The following RARB variants were observed in gnomAD, a reference collection of about 807,000 sequenced individuals.
RARB encodes the protein HBV-activated protein.
A neutral mutation model predicts 51.9 loss-of-function variants in RARB; 17 were observed. The ratio of observed to expected loss-of-function variants is 0.33; its 90% CI spans 0.22 to 0.49. The LOEUF is 0.49. RARB is among the 20% of genes least tolerant of loss of function. The pLI, the probability that RARB is intolerant of heterozygous loss-of-function variation, is 0.99. For synonymous variants in RARB, 215 were observed against 195.4 expected, an observed-to-expected ratio of 1.10 and a Z score of -0.84; for missense variants, 369 against 550.8, an observed-to-expected ratio of 0.67 and a Z score of 3.30.
At chr3:25,125,797 T>G (rs898914849) in intron 3 of RARB, among the ~76,000 whole-genome samples, 1 of 152,224 alleles carries the variant, frequency 6.6e-6, no homozygotes, top group Admixed American at 6.5e-5. Context: ...ACTTGTTGAT[T>G]TGAATTGAAC....
intron 5 of RARB, among the ~76,000 whole-genome samples, chr3:25,361,389 A>T (rs189668495): frequency 6.6e-6 from 1 of 152,274 alleles, no homozygotes; most frequent in African/African-American, 2.4e-5. Flanking sequence ...CTAACCTTTT[A>T]TCAAAGTTCT....
chr3:25,498,900 T>C (rs2056777), intron 2 of RARB, among the ~76,000 whole-genome samples: 36,134 of 152,060 alleles, frequency 0.24, 4,719 homozygotes, highest in East Asian at 0.35. Flanking sequence ...GATATGTTTT[T>C]AGATGACCAC....
intron 3 of RARB, among the ~76,000 whole-genome samples, chr3:25,537,420 T>G (rs1338328341): frequency 6.6e-6 from 1 of 152,068 alleles, no homozygotes; most frequent in African/African-American, 2.4e-5. Flanking sequence ...TGCACTCTGT[T>G]TGCGTGCACA....
chr3:25,368,373 C>T (rs1183037949), intron 5 of RARB, among the ~76,000 whole-genome samples: 1 of 152,084 alleles, frequency 6.6e-6, no homozygotes, highest in African/African-American at 2.4e-5. Flanking sequence ...TAATGAATAG[C>T]TGTATCACCT....
chr3:24,978,364 G>A (rs550270872), intron 2 of RARB, among the ~76,000 whole-genome samples: 1 of 152,256 alleles, frequency 6.6e-6, no homozygotes, highest in African/African-American at 2.4e-5. Context: ...GTAGAATTTG[G>A]CTGTGAATCT....
At chr3:25,453,523 A>G (rs1411728352) in intron 1 of RARB, among the ~76,000 whole-genome samples, 1 of 152,002 alleles carries the variant, frequency 6.6e-6, no homozygotes, top group African/African-American at 2.4e-5. Context: ...GATTACAGGC[A>G]TGAGCCACTG....
intron 2 of RARB, among the ~76,000 whole-genome samples, chr3:25,028,203 G>A (rs778504027): frequency 7.2e-5 from 11 of 152,188 alleles, no homozygotes; most frequent in Non-Finnish European, 1.6e-4. Context: ...GCAATTCTCA[G>A]GCCCTACCTC....
chr3:24,980,819 T>C (rs1696648038), intron 2 of RARB, among the ~76,000 whole-genome samples: 2 of 152,202 alleles, frequency 1.3e-5, no homozygotes, highest in South Asian at 4.1e-4. Context: ...GGAGAGGAGT[T>C]GTGTTCCTTT....
chr3:24,995,129 T>C (rs891777146), intron 2 of RARB, among the ~76,000 whole-genome samples: 3 of 152,106 alleles, frequency 2.0e-5, no homozygotes, highest in Non-Finnish European at 4.4e-5. Flanking sequence ...GAACGTGAGA[T>C]GTTTTTCCAT....
At chr3:25,370,421 A>G (rs941873810) in intron 5 of RARB, among the ~76,000 whole-genome samples, 1 of 152,212 alleles carries the variant, frequency 6.6e-6, no homozygotes, top group African/African-American at 2.4e-5. Context: ...CTTAAGGAAG[A>G]GTTGAGGAAC....
chr3:25,389,209 G>C (rs1706879105), intron 5 of RARB, among the ~76,000 whole-genome samples: 1 of 152,154 alleles, frequency 6.6e-6, no homozygotes, highest in Non-Finnish European at 1.5e-5. Context: ...AGTTGATTGG[G>C]TGACACATCA....
intron 5 of RARB, among the ~76,000 whole-genome samples, chr3:25,334,625 A>G (rs1303665509): frequency 6.6e-6 from 1 of 152,162 alleles, no homozygotes; most frequent in Non-Finnish European, 1.5e-5. Flanking sequence ...ACATGTATAC[A>G]TATGTAACAA....
chr3:25,079,703 T>C (rs1255958672), intron 3 of RARB, among the ~76,000 whole-genome samples: 1 of 152,210 alleles, frequency 6.6e-6, no homozygotes, highest in Non-Finnish European at 1.5e-5. Context: ...TTAAAAAATA[T>C]ATTACTTTTG....
At chr3:25,232,973 C>CTTTTTTTTTTTTTTTTT (rs71061205) in intron 5 of RARB, among the ~76,000 whole-genome samples, 8 of 118,780 alleles carry the variant, frequency 6.7e-5, no homozygotes, top group Non-Finnish European at 1.2e-4. Context: ...TTTTCTTTTT[C>CTTTTTTTTTTTTTTTTT]TTTTTTTTTT....
chr3:24,874,506 A>C (rs1703006438), intron 2 of RARB, among the ~76,000 whole-genome samples: 1 of 152,068 alleles, frequency 6.6e-6, no homozygotes, highest in African/African-American at 2.4e-5. Flanking sequence ...GTTTACGTAC[A>C]GCTTGTTTTA....
intron 3 of RARB, among the ~76,000 whole-genome samples, chr3:25,060,798 T>G (rs1319280020): frequency 6.6e-6 from 1 of 151,790 alleles, no homozygotes; most frequent in Non-Finnish European, 1.5e-5. Flanking sequence ...GCTTCATGAG[T>G]AGAGTGTGAG....
intron 2 of RARB, among the ~76,000 whole-genome samples, chr3:24,984,992 G>A (rs1282133911): frequency 6.6e-6 from 1 of 152,176 alleles, no homozygotes; most frequent in Non-Finnish European, 1.5e-5. Context: ...TGGAAAGTGG[G>A]AATTTTGACT....
intron 3 of RARB, among the ~76,000 whole-genome samples, chr3:25,082,391 T>A (rs1434975208): frequency 3.3e-5 from 5 of 152,122 alleles, no homozygotes; most frequent in African/African-American, 1.2e-4. Flanking sequence ...TTGTTTGTTT[T>A]TTAGTATTTT....
At chr3:25,213,903 C>T (rs1351901617) in intron 5 of RARB, among the ~76,000 whole-genome samples, 1 of 152,172 alleles carries the variant, frequency 6.6e-6, no homozygotes, top group African/African-American at 2.4e-5. Context: ...ATTCATTTCC[C>T]ACTATAATCT....
Sources: gnomAD v4.1 joint callset for allele counts (sites outside exome capture counted in the v4.1 genomes callset) on GRCh38, gnomAD v4.1.1 for gene constraint, MANE v1.5 for transcripts, NCBI Gene and HGNC (gene_info 2026-07-23, HGNC 2026-07-21) for gene names.